PARD3: variants seen among roughly 807,000 people sequenced by gnomAD.
PARD3 encodes par-3 family cell polarity regulator.
A neutral mutation model predicts 155.4 loss-of-function variants in PARD3; 75 were observed. The observed-to-expected ratio is 0.48, with a 90% CI of 0.40 to 0.58. The LOEUF is 0.58. Ranked by LOEUF, PARD3 falls within the 20% of genes least tolerant of loss-of-function variation. The pLI is 0.00. For synonymous variants in PARD3, 576 were observed against 610.5 expected, an observed-to-expected ratio of 0.94 and a Z score of 0.83; for missense variants, 1,642 against 1,721.7, an observed-to-expected ratio of 0.95 and a Z score of 0.82.
At chr10:34,540,098 G>A (rs909377290) in intron 2 of PARD3, among the ~76,000 whole-genome samples, 2 of 152,146 alleles carry the variant, frequency 1.3e-5, no homozygotes, top group African/African-American at 4.8e-5. Context: ...CCAGGGTCGT[G>A]GCCCTCAGCT....
At chr10:34,618,326 G>A (rs181676306) in intron 2 of PARD3, among the ~76,000 whole-genome samples, 214 of 152,232 alleles carry the variant, frequency 1.4e-3, no homozygotes, top group African/African-American at 4.8e-3. Context: ...GAAATTCTTA[G>A]TTTGCTTCAA....
rs537774754 is a variant in PARD3, at chr10:34,225,580, A to C, written c.3419+44077T>G. On this transcript the variant is annotated intron_variant, in intron 22 of 24. Coordinates refer to ENST00000374788, the MANE Select transcript of PARD3 (RefSeq NM_001184785.2). ...AGGCTGGTCTTGAACTCCTGACCTCAGGTGATCAACCCACCTTGGCCTCCT... is the reference window on the plus strand; with the variant it reads ...AGGCTGGTCTTGAACTCCTGACCTCCGGTGATCAACCCACCTTGGCCTCCT... Among the ~76,000 whole-genome samples the C allele has an allele frequency of 3.9e-5, 6 of 152,292 alleles. No homozygotes were observed. The East Asian group carries it at 9.7e-4, about 24-fold the overall frequency.
At chr10:34,305,915 G>C (rs1226561358) in intron 20 of PARD3, among the ~76,000 whole-genome samples, 1 of 152,184 alleles carries the variant, frequency 6.6e-6, no homozygotes, top group Non-Finnish European at 1.5e-5. Context: ...AGGAGTTCAA[G>C]GTTGCAAGGA....
intron 4 of PARD3, among the ~76,000 whole-genome samples, chr10:34,465,803 A>G (rs2077975843): frequency 6.6e-6 from 1 of 151,596 alleles, no homozygotes; most frequent in Non-Finnish European, 1.5e-5. Context: ...GCACAGTGAA[A>G]TAGTCCACAG....
At chr10:34,389,527 T>A (rs1179145521) in intron 7 of PARD3, among the ~76,000 whole-genome samples, 1 of 152,218 alleles carries the variant, frequency 6.6e-6, no homozygotes, top group African/African-American at 2.4e-5. Context: ...ACATCCAAAT[T>A]GGCTGAGTAA....
intron 2 of PARD3, among the ~76,000 whole-genome samples, chr10:34,536,863 T>G (rs774413595): frequency 2.8e-4 from 42 of 152,176 alleles, no homozygotes; most frequent in Non-Finnish European, 5.3e-4. Flanking sequence ...AACATTAAAT[T>G]TTTGATATTC....
At chr10:34,271,950 G>C (rs1230565938) in intron 21 of PARD3, among the ~76,000 whole-genome samples, 1 of 152,138 alleles carries the variant, frequency 6.6e-6, no homozygotes, top group African/African-American at 2.4e-5. Flanking sequence ...AATCCCTAAC[G>C]AAACAAAACA....
intron 22 of PARD3, among the ~76,000 whole-genome samples, chr10:34,219,095 G>T (rs964783497): frequency 2.0e-5 from 3 of 152,150 alleles, no homozygotes; most frequent in African/African-American, 7.2e-5. Flanking sequence ...GGAATTATTA[G>T]TTCACTTTTT....
intron 1 of PARD3, among the ~76,000 whole-genome samples, chr10:34,803,993 C>G (rs1177615401): frequency 6.6e-6 from 1 of 151,418 alleles, no homozygotes; most frequent in Non-Finnish European, 1.5e-5. Context: ...AAATAGTTAT[C>G]AATCCAAATG....
intron 22 of PARD3, among the ~76,000 whole-genome samples, chr10:34,207,604 T>C (rs919533214): frequency 1.3e-5 from 2 of 152,198 alleles, no homozygotes; most frequent in African/African-American, 4.8e-5. Context: ...ACAGAATCAT[T>C]TAAGGGTTAA....
At chr10:34,446,618 A>G (rs1007860100) in intron 5 of PARD3, among the ~76,000 whole-genome samples, 4 of 152,240 alleles carry the variant, frequency 2.6e-5, no homozygotes, top group African/African-American at 9.6e-5. Context: ...TACTAATATC[A>G]ATTAGTTTAA....
chr10:34,242,317 C>A (rs1238954725), intron 22 of PARD3, among the ~76,000 whole-genome samples: 1 of 152,058 alleles, frequency 6.6e-6, no homozygotes, highest in African/African-American at 2.4e-5. Context: ...ATCAGGTGAC[C>A]TTGTCCAAGG....
At chr10:34,182,118 C>T (rs1950294625) in intron 22 of PARD3, among the ~76,000 whole-genome samples, 1 of 152,148 alleles carries the variant, frequency 6.6e-6, no homozygotes, top group African/African-American at 2.4e-5. Context: ...TGGCAGCAGC[C>T]TGAAAGAAAG....
At chr10:34,224,501 G>A (rs1201144518) in intron 22 of PARD3, among the ~76,000 whole-genome samples, 1 of 152,200 alleles carries the variant, frequency 6.6e-6, no homozygotes, top group Non-Finnish European at 1.5e-5. Context: ...GGAGAAAGGA[G>A]ACTAGATTCT....
chr10:34,721,270 T>A (rs551122266), intron 1 of PARD3, among the ~76,000 whole-genome samples: 1 of 152,198 alleles, frequency 6.6e-6, no homozygotes, highest in African/African-American at 2.4e-5. Flanking sequence ...ATTCTAAAAT[T>A]AACAGAATTT....
intron 2 of PARD3, among the ~76,000 whole-genome samples, chr10:34,586,546 G>A (rs2088072282): frequency 6.6e-6 from 1 of 152,040 alleles, no homozygotes; most frequent in Non-Finnish European, 1.5e-5. Context: ...ACTATAGGGG[G>A]AAAAAATATA....
At chr10:34,783,347 G>A (rs554186477) in intron 1 of PARD3, among the ~76,000 whole-genome samples, 40 of 152,050 alleles carry the variant, frequency 2.6e-4, no homozygotes, top group Non-Finnish European at 5.4e-4. Context: ...GCTCACGCCT[G>A]TAATCCCAGC....
intron 2 of PARD3, among the ~76,000 whole-genome samples, chr10:34,533,367 C>T (rs779462269): frequency 2.6e-5 from 4 of 152,150 alleles, no homozygotes; most frequent in Non-Finnish European, 5.9e-5. Flanking sequence ...ATACCCCAAA[C>T]CTCAACATAA....
At chr10:34,319,572 G>A (rs1483433142) in intron 19 of PARD3, among the ~76,000 whole-genome samples, 1 of 152,206 alleles carries the variant, frequency 6.6e-6, no homozygotes, top group East Asian at 1.9e-4. Flanking sequence ...GAAGGACATA[G>A]TGAAAATCCA....
Sources: allele counts gnomAD v4.1 joint callset (sites outside exome capture counted in the v4.1 genomes callset), GRCh38; gene constraint gnomAD v4.1.1; transcripts MANE v1.5; gene names NCBI Gene and HGNC (gene_info 2026-07-23, HGNC 2026-07-21).